The following MRAP2 variants were observed in gnomAD, a reference collection of about 807,000 sequenced individuals.
MRAP2 encodes melanocortin 2 receptor accessory protein 2, also known as melanocortin-2 receptor accessory protein 2.
In MRAP2, 20 loss-of-function variants were observed where a neutral mutation model predicts 17.4. That is an observed-to-expected ratio of 1.15 (90% CI 0.81 to 1.67). The LOEUF is 1.67. Ranked by LOEUF, MRAP2 falls within the 40% of genes most tolerant of loss-of-function variation. MRAP2 has a pLI of 0.00. For synonymous variants in MRAP2, 96 were observed against 88.4 expected, an observed-to-expected ratio of 1.09 and a Z score of -0.48; for missense variants, 238 against 240.0, an observed-to-expected ratio of 0.99 and a Z score of 0.05.
intron 2 of MRAP2, among the ~76,000 whole-genome samples, chr6:84,055,655 G>A (rs1230336669): frequency 6.6e-6 from 1 of 152,140 alleles, no homozygotes; most frequent in Non-Finnish European, 1.5e-5. Flanking sequence ...ATTGATGAAA[G>A]ACTAAAAAAT....
chr6:84,093,243 AAGAGAG>A (rs917392517), downstream of MRAP2, among the ~76,000 whole-genome samples: 1 of 149,176 alleles, frequency 6.7e-6, no homozygotes, highest in Non-Finnish European at 1.5e-5. Flanking sequence ...AGCAAAGAGA[AAGAGAG>A]AGAATAGGGC....
the MRAP2 span, among the ~76,000 whole-genome samples, chr6:84,098,357 T>C: frequency 6.6e-6 from 1 of 152,184 alleles, no homozygotes; most frequent in East Asian, 1.9e-4. Flanking sequence ...TATCTATTTA[T>C]TTGTTGATGG....
chr6:84,110,263 C>T, the MRAP2 span, among the ~76,000 whole-genome samples: 37 of 152,196 alleles, frequency 2.4e-4, no homozygotes, highest in African/African-American at 8.7e-4. Context: ...TGCTTCCTGA[C>T]TTTTCAATGA....
At chr6:84,045,451 A>G (rs997547015) in intron 1 of MRAP2, 42 of 953,102 alleles carry the variant, frequency 4.4e-5, no homozygotes, top group African/African-American at 1.8e-5. Flanking sequence ...TTGAAAATGA[A>G]GAAGCCTGAA....
intron 3 of MRAP2, among the ~76,000 whole-genome samples, chr6:84,078,783 C>A (rs1002499825): frequency 6.6e-6 from 1 of 152,202 alleles, no homozygotes; most frequent in African/African-American, 2.4e-5. Context: ...TCTCCTTTGA[C>A]CTTCTTTGTA....
chr6:84,126,366 G>T, the MRAP2 span: 1 of 1,563,822 alleles, frequency 6.4e-7, no homozygotes. Flanking sequence ...ATGTAAATGT[G>T]ATTTACTTTA....
chr6:84,126,620 A>C, the MRAP2 span: 1 of 723,372 alleles, frequency 1.4e-6, no homozygotes, highest in Non-Finnish European at 2.1e-6. Context: ...AGTAAGAGGC[A>C]CCTTGGATTG....
intron 2 of MRAP2, among the ~76,000 whole-genome samples, chr6:84,058,990 C>T (rs1189911161): frequency 6.6e-6 from 1 of 152,064 alleles, no homozygotes; most frequent in Non-Finnish European, 1.5e-5. Flanking sequence ...ACAGCATGTA[C>T]AGACAAATCT....
At chr6:84,097,625 G>A in the MRAP2 span, among the ~76,000 whole-genome samples, 174 of 152,046 alleles carry the variant, frequency 1.1e-3, no homozygotes, top group Middle Eastern at 6.8e-3. Flanking sequence ...TTTCCTCTAA[G>A]CTCTTAAAAT....
the MRAP2 span, among the ~76,000 whole-genome samples, chr6:84,113,129 A>G: frequency 6.6e-6 from 1 of 152,166 alleles, no homozygotes; most frequent in Non-Finnish European, 1.5e-5. Flanking sequence ...TCCAGAGCTG[A>G]GTTCGAGTCC....
chr6:84,144,659 AGATT>A, the MRAP2 span, among the ~76,000 whole-genome samples: 1 of 152,118 alleles, frequency 6.6e-6, no homozygotes, highest in Non-Finnish European at 1.5e-5. Context: ...TCTAATGAAA[AGATT>A]GATTGGTTCA....
chr6:84,075,873 C>T (rs2099497468), intron 3 of MRAP2, among the ~76,000 whole-genome samples: 1 of 152,112 alleles, frequency 6.6e-6, no homozygotes, highest in Non-Finnish European at 1.5e-5. Flanking sequence ...GAAGTAAAGA[C>T]TAACAACAGG....
chr6:84,059,916 C>A (rs1452385467), intron 2 of MRAP2, among the ~76,000 whole-genome samples: 1 of 152,176 alleles, frequency 6.6e-6, no homozygotes, highest in Non-Finnish European at 1.5e-5. Context: ...ACTGTAGTGC[C>A]TATGCCCATG....
rs770184314 is a variant in MRAP2, at chr6:84,089,442, T to TAAGCCA, written c.580_585dup (p.Lys194_Pro195dup). 5 of 1,613,834 alleles carry TAAGCCA rather than the reference T, an allele frequency of 3.1e-6. No individual in the cohort carries two copies. In the South Asian group the frequency reaches 3.3e-5, roughly 11 times the overall value. Reference sequence around the variant, plus strand: ...CTGAACCACCTATTGTTCTGGAAACTAAGCCACTTTCCCAGACCTCACACA... The same window carrying TAAGCCA: ...CTGAACCACCTATTGTTCTGGAAACTAAGCCAAAGCCACTTTCCCAGACCTCACACA... On this transcript the variant is annotated inframe_insertion, in exon 4 of 4. Coordinates refer to ENST00000257776, the MANE Select transcript of MRAP2 (RefSeq NM_138409.4).
chr6:84,067,899 T>A (rs1332422073), intron 3 of MRAP2, among the ~76,000 whole-genome samples: 1 of 152,182 alleles, frequency 6.6e-6, no homozygotes, highest in Non-Finnish European at 1.5e-5. Context: ...TTTAATTAAG[T>A]TCCAACTATT....
intron 1 of MRAP2, among the ~76,000 whole-genome samples, chr6:84,039,600 G>A (rs981310): frequency 0.27 from 41,513 of 152,182 alleles, 7,831 homozygotes; most frequent in African/African-American, 0.54. Flanking sequence ...ATTGTTGCTC[G>A]TGTTTCTGTT....
chr6:84,138,362 A>T, the MRAP2 span, among the ~76,000 whole-genome samples: 1 of 152,342 alleles, frequency 6.6e-6, no homozygotes, highest in Non-Finnish European at 1.5e-5. Context: ...GCAGTTTTGA[A>T]GCCAGTGGAA....
Position 84,078,329 on chromosome 6 carries a change from C to G in MRAP2, c.228-10762C>G, listed in dbSNP as rs544009938. 2.0e-5 allele frequency among the ~76,000 whole-genome samples: 3 copies of G among 152,296 alleles called. No individual in the cohort carries two copies. In the East Asian group the frequency reaches 5.8e-4, roughly 29 times the overall value. ...AACTCAGTTTTTAAATAGACTCCTA[C>G]AGATGCTTCACAAAAGAAGATAAAC... On this transcript the variant is annotated intron_variant, in intron 3 of 3. Transcript: ENST00000257776.
chr6:84,098,927 C>G, the MRAP2 span, among the ~76,000 whole-genome samples: 1 of 152,012 alleles, frequency 6.6e-6, no homozygotes, highest in Non-Finnish European at 1.5e-5. Context: ...ACAGTGTCTT[C>G]AAAGGACAGA....
Sources: allele counts gnomAD v4.1 joint callset (sites outside exome capture counted in the v4.1 genomes callset), GRCh38; gene constraint gnomAD v4.1.1; transcripts MANE v1.5; gene names NCBI Gene and HGNC (gene_info 2026-07-23, HGNC 2026-07-21).